TMEM178B: variants seen among roughly 807,000 people sequenced by gnomAD.
TMEM178B encodes transmembrane protein 178B.
In TMEM178B, 5 loss-of-function variants were observed where a neutral mutation model predicts 31.0. The observed-to-expected ratio is 0.16, with a 90% CI of 0.08 to 0.34. TMEM178B has a LOEUF of 0.34. Ranked by LOEUF, TMEM178B falls within the 10% of genes least tolerant of loss-of-function variation. The pLI is 1.00. For synonymous variants in TMEM178B, 164 were observed against 164.0 expected (o/e 1.00, Z 0.00); for missense variants, 275 against 400.3 (o/e 0.69, Z 2.67).
intron 1 of TMEM178B, among the ~76,000 whole-genome samples, chr7:141,163,512 A>T (rs952137706): frequency 4.3e-5 from 6 of 139,908 alleles, no homozygotes; most frequent in Non-Finnish European, 4.7e-5. Flanking sequence ...GCAAACAGCA[A>T]TTTTTTTTTT....
intron 2 of TMEM178B, among the ~76,000 whole-genome samples, chr7:141,371,294 G>A (rs918627234): frequency 7.4e-5 from 11 of 149,234 alleles, no homozygotes; most frequent in African/African-American, 2.5e-4. Flanking sequence ...AGAGCTGGTT[G>A]GTAAAAAAAA....
intron 2 of TMEM178B, among the ~76,000 whole-genome samples, chr7:141,431,930 C>T (rs1418223232): frequency 6.6e-6 from 1 of 152,168 alleles, no homozygotes; most frequent in Non-Finnish European, 1.5e-5. Flanking sequence ...AATACATGCA[C>T]AGGCCTTTCC....
chr7:141,179,188 T>C (rs1287887636), intron 1 of TMEM178B, among the ~76,000 whole-genome samples: 12 of 152,226 alleles, frequency 7.9e-5, no homozygotes, highest in Admixed American at 7.2e-4. Context: ...AGAACTTGCA[T>C]AGCTTCTCTG....
chr7:141,161,603 C>A (rs1314870446), intron 1 of TMEM178B, among the ~76,000 whole-genome samples: 1 of 152,072 alleles, frequency 6.6e-6, no homozygotes, highest in Admixed American at 6.6e-5. Context: ...GAGGGACTGG[C>A]AGCAGTGGTC....
chr7:141,470,817 T>C lies in TMEM178B; in HGVS notation c.*31T>C. The C allele has an allele frequency of 8.2e-6, 8 of 979,354 alleles. No homozygotes were observed. Among genetic ancestry groups the C allele is most frequent in the Non-Finnish European group, 1.0e-5 (8 of 786,868 alleles). 60.7% of individuals were successfully genotyped at this position (979,354 alleles called of 1,614,324 possible). On this transcript the variant is annotated 3_prime_UTR_variant, in exon 4 of 4. Transcript: ENST00000565468. Reference sequence around the variant, plus strand: ...AAACCCATACATACATATATATATATAAATATATATATATAATATACATAT... The same window carrying C: ...AAACCCATACATACATATATATATACAAATATATATATATAATATACATAT...
At chr7:141,203,046 C>T (rs929730517) in intron 1 of TMEM178B, among the ~76,000 whole-genome samples, 7 of 152,188 alleles carry the variant, frequency 4.6e-5, no homozygotes, top group Non-Finnish European at 8.8e-5. Context: ...ACCCAACTCT[C>T]GTGGTCTTCT....
At chr7:141,325,934 C>G (rs997654647) in intron 2 of TMEM178B, among the ~76,000 whole-genome samples, 28 of 152,146 alleles carry the variant, frequency 1.8e-4, no homozygotes, top group African/African-American at 6.5e-4. Flanking sequence ...CTTTTTAGAT[C>G]ACAGACACCT....
At chr7:141,399,809 C>G (rs75434061) in intron 2 of TMEM178B, among the ~76,000 whole-genome samples, 9,483 of 152,154 alleles carry the variant, frequency 0.062, 410 homozygotes, top group East Asian at 0.16. Context: ...CTCTGCTGGC[C>G]CTAGGGATTT....
At chr7:141,207,096 T>C (rs116005682) in intron 1 of TMEM178B, among the ~76,000 whole-genome samples, 2,049 of 152,340 alleles carry the variant, frequency 0.013, 45 homozygotes, top group African/African-American at 0.047. Flanking sequence ...CTATGGTTGT[T>C]GCATGCAGCA....
chr7:141,242,002 T>C (rs1457559932), intron 2 of TMEM178B, among the ~76,000 whole-genome samples: 2 of 152,234 alleles, frequency 1.3e-5, no homozygotes, highest in African/African-American at 2.4e-5. Context: ...ATCTATAGTT[T>C]TATAGAGTCC....
chr7:141,338,380 AATCAAAGCAGCAT>A (rs1214018244), intron 2 of TMEM178B, among the ~76,000 whole-genome samples: 1 of 152,120 alleles, frequency 6.6e-6, no homozygotes, highest in East Asian at 1.9e-4. Context: ...CTTCCCTGTC[AATCAAAGCAGCAT>A]ATAAAAGCAA....
At chr7:141,185,138 G>A (rs1796588589) in intron 1 of TMEM178B, among the ~76,000 whole-genome samples, 1 of 152,212 alleles carries the variant, frequency 6.6e-6, no homozygotes, top group Admixed American at 6.5e-5. Context: ...CCCCACGGCA[G>A]TATCTAGGGG....
At chr7:141,190,440 A>G (rs1203510711) in intron 1 of TMEM178B, among the ~76,000 whole-genome samples, 1 of 151,838 alleles carries the variant, frequency 6.6e-6, no homozygotes, top group Non-Finnish European at 1.5e-5. Context: ...CAGTCTCCCA[A>G]GTAGCTGGGA....
chr7:141,210,786 G>A (rs939899100), intron 1 of TMEM178B, among the ~76,000 whole-genome samples: 5 of 152,068 alleles, frequency 3.3e-5, no homozygotes, highest in African/African-American at 7.2e-5. Context: ...CTCCTATCTC[G>A]TAAGTCCTTA....
At chr7:141,480,937 A>G (rs913233365), downstream of TMEM178B, among the ~76,000 whole-genome samples, 5 of 152,252 alleles carry the variant, frequency 3.3e-5, no homozygotes, top group African/African-American at 2.4e-5. Context: ...CAGCATTTAC[A>G]GTGAAAGAAA....
intron 2 of TMEM178B, among the ~76,000 whole-genome samples, chr7:141,349,476 G>A (rs1799674816): frequency 6.6e-6 from 1 of 152,162 alleles, no homozygotes; most frequent in South Asian, 2.1e-4. Flanking sequence ...TATTCAACAT[G>A]CGTATTTTGA....
chr7:141,102,396 G>A (rs1483370086), intron 1 of TMEM178B, among the ~76,000 whole-genome samples: 2 of 152,164 alleles, frequency 1.3e-5, no homozygotes. Context: ...TATCATGCTT[G>A]TGTCTGGCTG....
rs1269066539 is a variant in TMEM178B, at chr7:141,285,161, T to G, written c.496+72457T>G. On this transcript the variant is annotated intron_variant, in intron 2 of 3. Transcript: ENST00000565468. ...AATTCAGGATTCTTGTTTCTTTTTT[T>G]TTTTTTTTTTTTTTTTTGAGACGTA... Among the ~76,000 whole-genome samples, 189 of 139,344 alleles carry G rather than the reference T, an allele frequency of 1.4e-3. 2 individuals are homozygous for G. The Middle Eastern group carries it at 0.021, about 16-fold the overall frequency. 91.4% of individuals were successfully genotyped at this position (139,344 alleles called of 152,430 possible).
rs1182380074 is a variant in TMEM178B at position 141,422,416 on chromosome 7, A to G, written c.497-15192A>G. Among the ~76,000 whole-genome samples, 2 of 152,164 alleles carry G rather than the reference A, an allele frequency of 1.3e-5. No homozygotes were observed. Among genetic ancestry groups the G allele is most frequent in the Non-Finnish European group, 1.5e-5 (1 of 68,028 alleles). On this transcript the variant is annotated intron_variant, in intron 2 of 3. Transcript: ENST00000565468. The surrounding 1 kb of genome is among the most constrained non-coding windows in gnomAD (Gnocchi z 4.2). The stretch of plus-strand genomic sequence containing the variant: ...CACTTCACCTCCCATTTCTGGTGCT[A>G]CCTCACAATGGAGACTCTTCTTGTT...
Sources: gnomAD v4.1 joint callset for allele counts (sites outside exome capture counted in the v4.1 genomes callset) on GRCh38, gnomAD v4.1.1 for gene constraint, Gnocchi (gnomAD v3.1) non-coding constraint, MANE v1.5 for transcripts, NCBI Gene and HGNC (gene_info 2026-07-23, HGNC 2026-07-21) for gene names.